GOLPH3L: variants seen among roughly 807,000 people sequenced by gnomAD.
The protein encoded by GOLPH3L is Golgi phosphoprotein 3-like.
In GOLPH3L, 22 loss-of-function variants were observed where a neutral mutation model predicts 30.3. That is an observed-to-expected ratio of 0.73 (90% CI 0.52 to 1.04). The LOEUF is 1.04. GOLPH3L is among the 50% of genes least tolerant of loss of function. The pLI is 0.00. For missense variants in GOLPH3L, 303 were observed against 345.8 expected (o/e 0.88, Z 0.98); for synonymous variants, 120 against 128.2 (o/e 0.94, Z 0.43).
intron 2 of GOLPH3L, among the ~76,000 whole-genome samples, chr1:150,670,599 A>AAAAT (rs587644781): frequency 2.6e-5 from 4 of 152,182 alleles, no homozygotes; most frequent in Admixed American, 6.5e-5. Flanking sequence ...TCTGTCTCAA[A>AAAAT]AAATAAATAA....
intron 2 of GOLPH3L, among the ~76,000 whole-genome samples, chr1:150,690,089 C>A (rs1005285697): frequency 6.6e-6 from 1 of 151,958 alleles, no homozygotes; most frequent in Non-Finnish European, 1.5e-5. Flanking sequence ...TGGGCTCAAG[C>A]AATCCTCTCG....
In GOLPH3L at chr1:150,663,681, A is replaced by C. The variant is rs1650426071; in HGVS notation, c.266T>G (p.Ile89Ser). Reference sequence around the variant, plus strand: ...ACGCATGGTCGGGGGTTCCAGATAGATTCGACCCCGCATGGCCAGCTCTAT... The same window carrying C: ...ACGCATGGTCGGGGGTTCCAGATAGCTTCGACCCCGCATGGCCAGCTCTAT... ...ILIELAMRGR[I>S]YLEPPTMRKK... is the part of the protein sequence containing the mutation. Residue 89 changes from isoleucine to serine, a missense_variant, in exon 3 of 5, where the codon ATC becomes AGC. Transcript: ENST00000271732. 6.2e-7 allele frequency: 1 copy of C among 1,613,908 alleles called. No individual in the cohort carries two copies. Among genetic ancestry groups the C allele is most frequent in the Non-Finnish European group, 8.5e-7 (1 of 1,179,828 alleles).
intron 2 of GOLPH3L, among the ~76,000 whole-genome samples, chr1:150,689,408 A>G (rs1557790113): frequency 6.6e-6 from 1 of 152,220 alleles, no homozygotes; most frequent in African/African-American, 2.4e-5. Context: ...TTAATAATCT[A>G]TATCAAAACT....
At chr1:150,675,258 G>A (rs904824399) in intron 2 of GOLPH3L, among the ~76,000 whole-genome samples, 11 of 151,662 alleles carry the variant, frequency 7.3e-5, no homozygotes, top group Admixed American at 2.0e-4. Flanking sequence ...CTAGGTAAGT[G>A]TAGATTTTTT....
chr1:150,683,898 C>A (rs1382309917), intron 2 of GOLPH3L, among the ~76,000 whole-genome samples: 1 of 151,946 alleles, frequency 6.6e-6, no homozygotes, highest in Admixed American at 6.6e-5. Flanking sequence ...CTTTCTAAAT[C>A]ATTGTTATGA....
intron 2 of GOLPH3L, among the ~76,000 whole-genome samples, chr1:150,683,433 G>A (rs1651007624): frequency 6.6e-6 from 1 of 151,314 alleles, no homozygotes; most frequent in Admixed American, 6.6e-5. Flanking sequence ...CTACCCGGGA[G>A]GCTGAGGCAG....
At chr1:150,661,284 C>T (rs1650362197) in intron 4 of GOLPH3L, among the ~76,000 whole-genome samples, 1 of 152,052 alleles carries the variant, frequency 6.6e-6, no homozygotes, top group South Asian at 2.1e-4. Flanking sequence ...AAGAATGTTA[C>T]TCGTTGATTT....
At chr1:150,673,975 G>C in intron 2 of GOLPH3L, among the ~76,000 whole-genome samples, 1 of 150,392 alleles carries the variant, frequency 6.6e-6, no homozygotes, top group African/African-American at 2.4e-5. Context: ...CAGGCTCTAA[G>C]TCTATCTCCC....
intron 2 of GOLPH3L, among the ~76,000 whole-genome samples, chr1:150,674,070 T>C (rs1650710244): frequency 2.6e-5 from 4 of 152,150 alleles, no homozygotes; most frequent in African/African-American, 9.7e-5. Context: ...GAGTGACTTA[T>C]GGAAATTTTA....
intron 2 of GOLPH3L, among the ~76,000 whole-genome samples, chr1:150,685,180 A>C (rs1158006191): frequency 6.6e-6 from 1 of 152,184 alleles, no homozygotes; most frequent in Non-Finnish European, 1.5e-5. Flanking sequence ...TGAAGTAAAA[A>C]TAAAACTAAT....
intron 2 of GOLPH3L, among the ~76,000 whole-genome samples, chr1:150,690,886 C>A (rs1192542792): frequency 1.3e-5 from 2 of 152,112 alleles, no homozygotes; most frequent in Non-Finnish European, 2.9e-5. Context: ...TTCTAACATG[C>A]AAAAACTTGC....
intron 2 of GOLPH3L, among the ~76,000 whole-genome samples, chr1:150,693,844 T>C (rs1651273780): frequency 4.5e-5 from 4 of 89,384 alleles, no homozygotes; most frequent in African/African-American, 1.8e-4. Context: ...TATATATATA[T>C]ATATTTTTTT....
At chr1:150,660,587 A>G (rs1650346066) in intron 4 of GOLPH3L, among the ~76,000 whole-genome samples, 1 of 152,238 alleles carries the variant, frequency 6.6e-6, no homozygotes. Context: ...ATACAACGGA[A>G]TATCACTCAG....
intron 4 of GOLPH3L, among the ~76,000 whole-genome samples, chr1:150,658,577 G>C (rs982575409): frequency 6.6e-6 from 1 of 152,162 alleles, no homozygotes; most frequent in Non-Finnish European, 1.5e-5. Flanking sequence ...ACTTGTTTAG[G>C]AAGATTGCAT....
intron 2 of GOLPH3L, among the ~76,000 whole-genome samples, chr1:150,664,252 C>A (rs1650444508): frequency 6.6e-6 from 1 of 152,082 alleles, no homozygotes; most frequent in Non-Finnish European, 1.5e-5. Flanking sequence ...TATCCTCCCA[C>A]CTTGGCCTCC....
At chr1:150,677,426 T>G (rs749427499) in intron 2 of GOLPH3L, among the ~76,000 whole-genome samples, 5 of 151,320 alleles carry the variant, frequency 3.3e-5, no homozygotes, top group Admixed American at 6.6e-5. Context: ...TTAGTAGAGA[T>G]GGGGTTTCAT....
intron 4 of GOLPH3L, among the ~76,000 whole-genome samples, chr1:150,658,122 C>T (rs1027557402): frequency 6.6e-6 from 1 of 152,180 alleles, no homozygotes; most frequent in African/African-American, 2.4e-5. Context: ...GGAAGAGATT[C>T]CGGGAGGATC....
rs1261561314 is a variant in GOLPH3L at position 150,647,873 on chromosome 1, T to G, written c.*448A>C. ...TTCAGCGACAGTTATTTCAATAAGCTACATTATTTAGCAGAGTCTGAGAGA... is the reference window on the plus strand; with the variant it reads ...TTCAGCGACAGTTATTTCAATAAGCGACATTATTTAGCAGAGTCTGAGAGA... On this transcript the variant is annotated 3_prime_UTR_variant, in exon 5 of 5. Transcript: ENST00000271732. 1 of 154,588 alleles carries G rather than the reference T, an allele frequency of 6.5e-6. No individual in the cohort carries two copies. Among genetic ancestry groups the G allele is most frequent in the East Asian group, 1.9e-4 (1 of 5,242 alleles). The allele number at this position is 154,588 out of a possible 1,614,324, so 9.6% of individuals were successfully genotyped here.
Position 150,661,873 on chromosome 1 carries a change from T to G in GOLPH3L, c.371A>C (p.Lys124Thr), listed in dbSNP as rs773087284. The G allele has an allele frequency of 1.2e-5, 20 of 1,602,372 alleles. No individual in the cohort carries two copies. Among genetic ancestry groups the G allele is most frequent in the Non-Finnish European group, 1.7e-5 (20 of 1,169,332 alleles). The change falls in exon 4 of 5, where the codon AAA (lysine) becomes ACA (threonine). Residue 124 changes from lysine (K) to threonine (T), a missense_variant. By Grantham distance (78) the Lys-to-Thr change is moderately conservative. Transcript: ENST00000271732. The stretch of plus-strand genomic sequence containing the variant: ...TGTGGGTTCAGTTGCTTTGATGTGT[T>G]TCAGAGTTTCATCCAGTAAAACATC... ...TGDVLLDETL[K>T]HIKATEPTET...
Sources: allele counts gnomAD v4.1 joint callset (sites outside exome capture counted in the v4.1 genomes callset), GRCh38; gene constraint gnomAD v4.1.1; transcripts MANE v1.5; gene names NCBI Gene and HGNC (gene_info 2026-07-23, HGNC 2026-07-21).